The following CAST variants were observed in gnomAD, a reference collection of about 807,000 sequenced individuals.
CAST encodes the protein MIR583 host.
A neutral mutation model predicts 119.6 loss-of-function variants in CAST; 76 were observed. That is an observed-to-expected ratio of 0.64 (90% CI 0.53 to 0.77). The LOEUF (loss-of-function observed/expected upper bound fraction) is 0.77. Ranked by LOEUF, CAST falls within the 30% of genes least tolerant of loss-of-function variation. The pLI is 0.00. For synonymous variants in CAST, 319 were observed against 331.6 expected (o/e 0.96, Z 0.41); for missense variants, 953 against 946.5 (o/e 1.01, Z -0.09).
At chr5:96,188,776 G>C in the CAST span, among the ~76,000 whole-genome samples, 114 of 152,244 alleles carry the variant, frequency 7.5e-4, 1 homozygote, top group African/African-American at 2.6e-3. Flanking sequence ...ATTGAGTACT[G>C]TGGAGTTGAA....
the CAST span, among the ~76,000 whole-genome samples, chr5:96,194,358 C>T: frequency 4.6e-5 from 7 of 152,172 alleles, no homozygotes; most frequent in African/African-American, 1.4e-4. Flanking sequence ...CCCTGGGAAT[C>T]TGCATGTTCT....
the CAST span, among the ~76,000 whole-genome samples, chr5:95,993,789 AAAC>A: frequency 2.0e-5 from 3 of 152,124 alleles, no homozygotes; most frequent in African/African-American, 7.2e-5. Flanking sequence ...AATAATAAGA[AAAC>A]AACTTTGGGC....
the CAST span, among the ~76,000 whole-genome samples, chr5:96,089,576 A>G: frequency 1.3e-5 from 2 of 152,264 alleles, no homozygotes; most frequent in African/African-American, 4.8e-5. Flanking sequence ...GAAAATTTCT[A>G]TGATGTACTA....
At chr5:96,174,469 T>C in the CAST span, among the ~76,000 whole-genome samples, 3 of 152,230 alleles carry the variant, frequency 2.0e-5, no homozygotes, top group Non-Finnish European at 2.9e-5. Context: ...CTCTTGCTTA[T>C]GTGGGGAAGG....
the CAST span, among the ~76,000 whole-genome samples, chr5:96,435,227 G>T: frequency 6.6e-6 from 1 of 152,218 alleles, no homozygotes; most frequent in African/African-American, 2.4e-5. Context: ...CAGTTTGGCA[G>T]AGTGTTGGCA....
chr5:96,021,859 A>G, the CAST span, among the ~76,000 whole-genome samples: 1 of 152,214 alleles, frequency 6.6e-6, no homozygotes, highest in Non-Finnish European at 1.5e-5. Context: ...AACTTAAGTG[A>G]TCGGATTACA....
the CAST span, among the ~76,000 whole-genome samples, chr5:95,967,595 C>T: frequency 5.9e-5 from 9 of 152,240 alleles, no homozygotes; most frequent in East Asian, 1.7e-3. Flanking sequence ...GTTCTTCTAA[C>T]AGTGAGTGAG....
At chr5:96,135,004 T>C in the CAST span, among the ~76,000 whole-genome samples, 9 of 151,982 alleles carry the variant, frequency 5.9e-5, no homozygotes, top group Non-Finnish European at 7.4e-5. Flanking sequence ...TTCCAGGAAA[T>C]AGCGAGAACA....
At chr5:96,548,567 CGGGCCTCTGCTACGCT>C (rs1746061340) in intron 1 of CAST, among the ~76,000 whole-genome samples, 1 of 152,018 alleles carries the variant, frequency 6.6e-6, no homozygotes, top group Non-Finnish European at 1.5e-5. Context: ...AGTGCTGCTG[CGGGCCTCTGCTACGCT>C]GGGTGTCATT....
intron 1 of CAST, among the ~76,000 whole-genome samples, chr5:96,569,159 C>G (rs1041447717): frequency 6.6e-6 from 1 of 152,184 alleles, no homozygotes; most frequent in African/African-American, 2.4e-5. Flanking sequence ...GGAATTCCTC[C>G]CTGCTGAAGT....
At chr5:95,990,648 CT>C in the CAST span, among the ~76,000 whole-genome samples, 1 of 151,876 alleles carries the variant, frequency 6.6e-6, no homozygotes, top group African/African-American at 2.4e-5. Context: ...ATGTCAAAAA[CT>C]TTTTATAAAC....
At chr5:96,483,094 C>G in the CAST span, among the ~76,000 whole-genome samples, 4 of 152,032 alleles carry the variant, frequency 2.6e-5, no homozygotes, top group African/African-American at 9.7e-5. Context: ...AAGAAAATAT[C>G]AATGGTCAGC....
intron 1 of CAST, among the ~76,000 whole-genome samples, chr5:96,625,186 A>G (rs1747697330): frequency 6.6e-6 from 1 of 152,198 alleles, no homozygotes; most frequent in Admixed American, 6.5e-5. Context: ...TCAAAGGGTC[A>G]CAAAACAAAC....
At chr5:96,234,311 G>T in the CAST span, among the ~76,000 whole-genome samples, 1 of 152,202 alleles carries the variant, frequency 6.6e-6, no homozygotes, top group African/African-American at 2.4e-5. Flanking sequence ...ATGGAAGGCC[G>T]TAGTAGGGAA....
intron 1 of CAST, among the ~76,000 whole-genome samples, chr5:96,621,366 C>T (rs781283425): frequency 1.3e-5 from 2 of 152,152 alleles, no homozygotes; most frequent in Non-Finnish European, 2.9e-5. Context: ...TATATTAGTG[C>T]ATTCTCATGC....
chr5:96,157,319 A>G, the CAST span, among the ~76,000 whole-genome samples: 1 of 152,212 alleles, frequency 6.6e-6, no homozygotes, highest in Non-Finnish European at 1.5e-5. Flanking sequence ...GATGATTTCT[A>G]AGATCCTCCA....
upstream of CAST, among the ~76,000 whole-genome samples, chr5:96,529,192 C>T (rs1211204048): frequency 2.0e-5 from 3 of 152,076 alleles, no homozygotes; most frequent in Non-Finnish European, 4.4e-5. Flanking sequence ...TCAAACAAAC[C>T]TTGTTAATTT....
the CAST span, among the ~76,000 whole-genome samples, chr5:96,336,523 G>A: frequency 4.8e-3 from 723 of 152,202 alleles, 9 homozygotes; most frequent in African/African-American, 0.017. Context: ...TAGATTTTTC[G>A]CTCCCAGAGT....
the CAST span, among the ~76,000 whole-genome samples, chr5:96,088,018 T>A: frequency 1.4e-4 from 22 of 152,232 alleles, no homozygotes; most frequent in Non-Finnish European, 2.4e-4. Context: ...CAATATGCTG[T>A]TGGTTGCTAA....
Sources: allele counts gnomAD v4.1 joint callset (sites outside exome capture counted in the v4.1 genomes callset), GRCh38; gene constraint gnomAD v4.1.1; transcripts MANE v1.5; gene names NCBI Gene and HGNC (gene_info 2026-07-23, HGNC 2026-07-21).